SLC38A8: variants seen among roughly 807,000 people sequenced by gnomAD.
The protein encoded by SLC38A8 is amino acid transporter SLC38A8.
A neutral mutation model predicts 46.0 loss-of-function variants in SLC38A8; 65 were observed. The observed-to-expected ratio is 1.41, with a 90% CI of 1.16 to 1.74. The LOEUF (loss-of-function observed/expected upper bound fraction) is 1.74, where lower values mean the gene tolerates loss of function less well. SLC38A8 is among the 40% of genes most tolerant of loss of function. The pLI is 0.00. For synonymous variants in SLC38A8, 447 were observed against 243.7 expected (o/e 1.83, Z -7.77); for missense variants, 998 against 567.9 (o/e 1.76, Z -7.70).
In SLC38A8 at chr16:84,033,413, G is replaced by C; in HGVS notation, c.445C>G (p.Gln149Glu). The C allele has an allele frequency of 6.2e-7, 1 of 1,613,686 alleles. No homozygotes were observed. Among genetic ancestry groups the C allele is most frequent in the Non-Finnish European group, 8.5e-7 (1 of 1,179,870 alleles). ...GAGAGCAGGGGCAGGGTGAAGCGCT[G>C]GTCTGCGTACCACGGCTGCGGGGCG... ...PPAPQPWYAD[Q>E]RFTLPLLSVL... is the part of the protein sequence containing the mutation. The change falls in exon 4 of 11, where the codon CAG becomes GAG. Residue 149 changes from glutamine to glutamate, a missense_variant. Coordinates refer to ENST00000299709, the MANE Select transcript of SLC38A8 (RefSeq NM_001080442.3).
At chr16:84,020,309 C>G (rs1466431261) in intron 7 of SLC38A8, among the ~76,000 whole-genome samples, 1 of 152,086 alleles carries the variant, frequency 6.6e-6, no homozygotes, top group Non-Finnish European at 1.5e-5. Flanking sequence ...ATGTTCTGCT[C>G]ATTTAAAAAA....
intron 9 of SLC38A8, among the ~76,000 whole-genome samples, chr16:84,014,164 C>A (rs2084994508): frequency 6.6e-6 from 1 of 151,566 alleles, no homozygotes; most frequent in African/African-American, 2.4e-5. Context: ...GTGGCCACAC[C>A]CCTCACCTCT....
chr16:84,012,264 G>A (rs748769576), intron 10 of SLC38A8, among the ~76,000 whole-genome samples: 4 of 152,220 alleles, frequency 2.6e-5, no homozygotes, highest in African/African-American at 9.6e-5. Context: ...CTGAGGAAGC[G>A]CACATCATTC....
At chr16:84,029,149 A>G (rs994330055) in intron 6 of SLC38A8, among the ~76,000 whole-genome samples, 1 of 152,260 alleles carries the variant, frequency 6.6e-6, no homozygotes, top group African/African-American at 2.4e-5. Context: ...TCCAGGCCTC[A>G]GGTCTGACTG....
At chr16:84,012,604 C>T (rs1336397225) in intron 10 of SLC38A8, among the ~76,000 whole-genome samples, 1 of 152,194 alleles carries the variant, frequency 6.6e-6, no homozygotes, top group Non-Finnish European at 1.5e-5. Context: ...AGCCTGGGAA[C>T]AGCGACCCAC....
chr16:84,016,200 G>A (rs1597251592), intron 9 of SLC38A8, among the ~76,000 whole-genome samples: 2 of 152,348 alleles, frequency 1.3e-5, no homozygotes, highest in East Asian at 3.9e-4. Context: ...AACAGAATGG[G>A]TGGAACCATC....
Position 84,042,085 on chromosome 16 carries a change from A to G in SLC38A8, c.73T>C (p.Ser25Pro). 1 of 1,614,092 alleles carries G rather than the reference A, an allele frequency of 6.2e-7. No individual in the cohort carries two copies. The change falls in exon 2 of 11, where the codon TCC (serine) becomes CCC (proline). Residue 25 changes from serine to proline, a missense_variant. Ser to Pro is a moderately conservative substitution (Grantham distance 74, BLOSUM62 -1). Coordinates refer to ENST00000299709, the MANE Select transcript of SLC38A8 (RefSeq NM_001080442.3). ...AGGATGAAGACAGCGCCCATCGAGG[A>G]CAGAGTGGCAGCAGCCGTGGCAGGG... ...PHPATAAATLSSMGAVFILMK... is the reference protein window; with the variant it reads ...PHPATAAATLPSMGAVFILMK...
chr16:84,036,245 G>C (rs1473271049), intron 3 of SLC38A8, among the ~76,000 whole-genome samples: 3 of 152,256 alleles, frequency 2.0e-5, no homozygotes, highest in East Asian at 3.8e-4. Flanking sequence ...TGAGGAATGA[G>C]TCCAGTGAAA....
In SLC38A8 at chr16:84,022,809, G is replaced by A; in HGVS notation, c.771C>T (p.Ser257=). 2 of 1,614,060 alleles carry A rather than the reference G, an allele frequency of 1.2e-6. No individual in the cohort carries two copies. The highest frequency in any genetic ancestry group is 1.7e-6 in the Non-Finnish European group (2 of 1,179,988). Residue 257 remains serine, a synonymous_variant, in exon 7 of 11, where the codon TCC becomes TCT. Transcript: ENST00000299709. ...AATAGATGAGGCAGCAGGCCAGCAA[G>A]GACAGCACAGACACCAGGGCCCAGT... ...LSHWALVSVL[S]LLACCLIYSL...
chr16:84,032,487 G>A (rs1287080530), intron 4 of SLC38A8, among the ~76,000 whole-genome samples: 2 of 152,174 alleles, frequency 1.3e-5, no homozygotes, highest in Non-Finnish European at 2.9e-5. Flanking sequence ...GCCCAAATGT[G>A]TAGAATTCTT....
intron 9 of SLC38A8, among the ~76,000 whole-genome samples, chr16:84,013,735 T>C (rs1353562104): frequency 6.6e-6 from 1 of 151,670 alleles, no homozygotes; most frequent in Admixed American, 6.6e-5. Flanking sequence ...AGCCCTTTTT[T>C]TTTTTTTTTT....
At chr16:84,036,475 A>G (rs1435532933) in intron 3 of SLC38A8, among the ~76,000 whole-genome samples, 1 of 152,242 alleles carries the variant, frequency 6.6e-6, no homozygotes, top group Non-Finnish European at 1.5e-5. Context: ...TCCTAATTGC[A>G]GCCACAACCT....
chr16:84,012,761 A>G (rs1185414786), intron 10 of SLC38A8, among the ~76,000 whole-genome samples: 1 of 152,198 alleles, frequency 6.6e-6, no homozygotes, highest in Non-Finnish European at 1.5e-5. Context: ...ATGAAATCCC[A>G]ACCACAGACC....
chr16:84,014,951 C>G (rs2085007611), intron 9 of SLC38A8, among the ~76,000 whole-genome samples: 1 of 152,086 alleles, frequency 6.6e-6, no homozygotes, highest in African/African-American at 2.4e-5. Flanking sequence ...CGTTTCATGC[C>G]CCCATTCGAG....
At chr16:84,024,288 T>C (rs1255992425) in intron 6 of SLC38A8, among the ~76,000 whole-genome samples, 1 of 152,200 alleles carries the variant, frequency 6.6e-6, no homozygotes, top group Non-Finnish European at 1.5e-5. Flanking sequence ...CCATGTCACA[T>C]GGGTGCACAC....
intron 3 of SLC38A8, 126 bp downstream of exon 3, chr16:84,036,576 T>G: frequency 2.9e-6 from 3 of 1,049,752 alleles, no homozygotes; most frequent in South Asian, 1.5e-5. Context: ...AACAAGAGTG[T>G]GGTTTCAGCC....
chr16:84,025,152 G>A (rs1282754035), intron 6 of SLC38A8, among the ~76,000 whole-genome samples: 8 of 101,586 alleles, frequency 7.9e-5, no homozygotes, highest in Non-Finnish European at 1.4e-4. Flanking sequence ...GACACACCGG[G>A]CGGGGATGCT....
At chr16:84,025,817 C>T (rs367841815) in intron 6 of SLC38A8, among the ~76,000 whole-genome samples, 1 of 152,262 alleles carries the variant, frequency 6.6e-6, no homozygotes, top group African/African-American at 2.4e-5. Flanking sequence ...TTGAGCACAG[C>T]CCTTCCGCTG....
At chr16:84,019,056 T>C (rs2085065899) in intron 7 of SLC38A8, among the ~76,000 whole-genome samples, 2 of 152,064 alleles carry the variant, frequency 1.3e-5, no homozygotes, top group Admixed American at 1.3e-4. Flanking sequence ...AGCTAGCTCT[T>C]ACTGAAACTA....
Sources: allele counts gnomAD v4.1 joint callset (sites outside exome capture counted in the v4.1 genomes callset), GRCh38; gene constraint gnomAD v4.1.1; transcripts MANE v1.5; gene names NCBI Gene and HGNC (gene_info 2026-07-23, HGNC 2026-07-21).